The following FAT4 variants were observed in gnomAD, a reference collection of about 807,000 sequenced individuals.
The protein encoded by FAT4 is FAT atypical cadherin 4, also known as protocadherin Fat 4.
In FAT4, 84 loss-of-function variants were observed where a neutral mutation model predicts 303.9. The observed-to-expected ratio is 0.28, with a 90% CI of 0.23 to 0.33. The LOEUF (loss-of-function observed/expected upper bound fraction) is 0.33, where lower values mean the gene tolerates loss of function less well. FAT4 is among the 10% of genes least tolerant of loss of function. The pLI is 1.00. For missense variants in FAT4, 6,005 were observed against 6,146.8 expected (o/e 0.98, Z 0.77); for synonymous variants, 2,307 against 2,298.8 (o/e 1.00, Z -0.10).
In FAT4 at chr4:125,449,755, C is replaced by CCAAT; in HGVS notation, c.8748_8751dup (p.Glu2918IlefsTer7). On this transcript the variant is annotated frameshift_variant, in exon 10 of 18. Transcript: ENST00000394329. LOFTEE classifies it high-confidence loss of function. ...GACAAGTGTTTTATTTCATAAAATC[C>CCAAT]CAATCAGAATATTTCAGGATTAATG... 6.2e-7 allele frequency: 1 copy of CCAAT among 1,613,582 alleles called. No individual in the cohort carries two copies. The highest frequency in any genetic ancestry group is 8.5e-7 in the Non-Finnish European group (1 of 1,179,820).
In FAT4 at chr4:125,319,728, C is replaced by T. The variant is rs900308986; in HGVS notation, c.3317C>T (p.Thr1106Ile). The part of the protein sequence containing the change: ...NRPLFNSTNY[T>I]FYFEEEQRAG... ...CCTCTTTTTAACAGTACCAATTACA[C>T]ATTTTACTTCGAAGAAGAGCAGAGG... The change falls in exon 2 of 18, where the codon ACA becomes ATA. Residue 1106 changes from threonine to isoleucine, a missense_variant. Transcript: ENST00000394329. 1.2e-6 allele frequency: 2 copies of T among 1,614,146 alleles called. No homozygotes were observed. The highest frequency in any genetic ancestry group is 1.7e-6 in the Non-Finnish European group (2 of 1,179,982).
In FAT4 at chr4:125,491,304, A is replaced by G; in HGVS notation, c.14488A>G (p.Asn4830Asp). 2.5e-6 allele frequency: 4 copies of G among 1,614,186 alleles called. No homozygotes were observed. The highest frequency in any genetic ancestry group is 3.4e-6 in the Non-Finnish European group (4 of 1,180,030). ...CAGAAGGCCACTGTCTAGAACAAGGAATCCAGCGGATGGCATTCCAGCTCC... is the reference window on the plus strand; with the variant it reads ...CAGAAGGCCACTGTCTAGAACAAGGGATCCAGCGGATGGCATTCCAGCTCC... ...DCRRPLSRTR[N>D]PADGIPAPES... The change falls in exon 18 of 18, where the codon AAT becomes GAT. Residue 4830 changes from asparagine (N) to aspartate (D), a missense_variant. Asn to Asp is a conservative substitution (Grantham distance 23, BLOSUM62 1). Coordinates refer to ENST00000394329, the MANE Select transcript of FAT4 (RefSeq NM_001291303.3).
intron 2 of FAT4, among the ~76,000 whole-genome samples, chr4:125,345,485 T>C (rs1731964356): frequency 6.6e-6 from 1 of 151,954 alleles, no homozygotes; most frequent in Non-Finnish European, 1.5e-5. Context: ...ACAAAAATAC[T>C]TATTATTTTC....
chr4:125,375,995 C>T (rs10010768), intron 2 of FAT4, among the ~76,000 whole-genome samples: 4,899 of 152,250 alleles, frequency 0.032, 253 homozygotes, highest in African/African-American at 0.11. Flanking sequence ...AAGACTAGAA[C>T]CCATGTAGTG....
Position 125,490,438 on chromosome 4 carries a change from A to T in FAT4, c.13622A>T (p.Glu4541Val). The change falls in exon 18 of 18, where the codon GAG (glutamate) becomes GTG (valine). Residue 4541 changes from glutamate (E) to valine (V), a missense_variant. Coordinates refer to ENST00000394329, the MANE Select transcript of FAT4 (RefSeq NM_001291303.3). ...CRGKKAKNPKEEKKPKEKKKK... is the reference protein window; with the variant it reads ...CRGKKAKNPKVEKKPKEKKKK... ...GGGAAGAAGGCCAAAAATCCCAAAG[A>T]GGAGAAGAAACCGAAGGAGAAGAAG... The T allele has an allele frequency of 6.2e-7, 1 of 1,614,158 alleles. No individual in the cohort carries two copies. The highest frequency in any genetic ancestry group is 8.5e-7 in the Non-Finnish European group (1 of 1,180,030).
At chr4:125,362,439 T>C (rs1732711231) in intron 2 of FAT4, among the ~76,000 whole-genome samples, 1 of 152,120 alleles carries the variant, frequency 6.6e-6, no homozygotes, top group Non-Finnish European at 1.5e-5. Flanking sequence ...GTAGGTAATA[T>C]TTTGAGAAGT....
intron 10 of FAT4, among the ~76,000 whole-genome samples, chr4:125,461,724 G>A (rs1338710023): frequency 6.6e-6 from 1 of 151,882 alleles, no homozygotes; most frequent in Admixed American, 6.6e-5. Flanking sequence ...AATGGAAAGA[G>A]TAGAATATTA....
chr4:125,408,694 T>C lies in FAT4; in HGVS notation c.5820T>C (p.Asn1940=), dbSNP rs1206201756. The change falls in exon 5 of 18, where the codon AAT becomes AAC. Residue 1940 remains asparagine, a synonymous_variant. Transcript: ENST00000394329. ...TCAATATTCTAGATGTAAATGATAA[T>C]CCACCTATTTTCAGCTTGAATTCAT... ...VYFNILDVND[N]PPIFSLNSYS... The C allele has an allele frequency of 6.2e-7, 1 of 1,611,306 alleles. No homozygotes were observed. The highest frequency in any genetic ancestry group is 1.7e-5 in the Admixed American group (1 of 59,932).
chr4:125,393,616 TA>T (rs1055308335), intron 2 of FAT4, among the ~76,000 whole-genome samples: 4 of 152,188 alleles, frequency 2.6e-5, no homozygotes, highest in Non-Finnish European at 5.9e-5. Context: ...AAAAGCATTA[TA>T]TTATTTTATG....
chr4:125,391,270 A>C (rs1160423688), intron 2 of FAT4, among the ~76,000 whole-genome samples: 1 of 152,170 alleles, frequency 6.6e-6, no homozygotes, highest in Admixed American at 6.5e-5. Flanking sequence ...ATCCAACCCA[A>C]ATGCCCATCA....
In FAT4 at chr4:125,317,775, G is replaced by T. The variant is rs1162622852; in HGVS notation, c.1364G>T (p.Arg455Leu). ...CCCCCTGGCGCAGCAGTCCAGGCGC[G>T]CTCTTCTGTGGCAAGCCTGGTGATT... is the stretch of plus-strand genomic sequence containing the variant. ...GAPPGAAVQARSSVASLVIFV... is the reference protein window; with the variant it reads ...GAPPGAAVQALSSVASLVIFV... The change falls in exon 2 of 18, where the codon CGC (arginine) becomes CTC (leucine). Residue 455 changes from arginine (R) to leucine (L), a missense_variant. Transcript: ENST00000394329. The surrounding 1 kb of genome is among the most constrained non-coding windows in gnomAD (Gnocchi z 7.0). 5.6e-6 allele frequency: 9 copies of T among 1,614,150 alleles called. No individual in the cohort carries two copies. The highest frequency in any genetic ancestry group is 6.8e-6 in the Non-Finnish European group (8 of 1,180,034).
At chr4:125,480,032 TG>T (rs1727169250) in intron 15 of FAT4, among the ~76,000 whole-genome samples, 167 bp downstream of exon 15, 1 of 152,238 alleles carries the variant, frequency 6.6e-6, no homozygotes. Flanking sequence ...AAATTATTTT[TG>T]TAACCTGAAG....
At chr4:125,353,264 A>G (rs927996831) in intron 2 of FAT4, among the ~76,000 whole-genome samples, 5 of 151,812 alleles carry the variant, frequency 3.3e-5, no homozygotes, top group African/African-American at 1.2e-4. Context: ...TACTGATGAT[A>G]GTTTACAGAA....
Position 125,451,197 on chromosome 4 carries a change from C to T in FAT4, c.10187C>T (p.Thr3396Ile). The T allele has an allele frequency of 2.5e-6, 4 of 1,614,080 alleles. No individual in the cohort carries two copies. Among genetic ancestry groups the T allele is most frequent in the Non-Finnish European group, 2.5e-6 (3 of 1,180,016 alleles). The change falls in exon 10 of 18, where the codon ACC becomes ATC. Residue 3396 changes from threonine to isoleucine, a missense_variant. By Grantham distance (89) the Thr-to-Ile change is moderately conservative (BLOSUM62 -1). Transcript: ENST00000394329. ...ATAGATGAGGTCACTGTAAATGTCACCGTGCTTGATGCAAATGACCCACCC... is the reference window on the plus strand; with the variant it reads ...ATAGATGAGGTCACTGTAAATGTCATCGTGCTTGATGCAAATGACCCACCC... ...ADIDEVTVNV[T>I]VLDANDPPIF... is the part of the protein sequence containing the mutation.
intron 2 of FAT4, among the ~76,000 whole-genome samples, chr4:125,363,317 A>G (rs1265600107): frequency 1.3e-5 from 2 of 151,822 alleles, no homozygotes; most frequent in Non-Finnish European, 2.9e-5. Context: ...AGAAGTGAAT[A>G]TATGTAGCCA....
chr4:125,480,163 A>G (rs1029247138), intron 15 of FAT4, among the ~76,000 whole-genome samples: 1 of 152,090 alleles, frequency 6.6e-6, no homozygotes, highest in South Asian at 2.1e-4. Context: ...AATCTAAAAG[A>G]TCAAAGGTTA....
At chr4:125,444,591 C>T (rs1283796620) in intron 8 of FAT4, among the ~76,000 whole-genome samples, 1 of 152,128 alleles carries the variant, frequency 6.6e-6, no homozygotes, top group Non-Finnish European at 1.5e-5. Context: ...AAAGGCCACA[C>T]CATTTGCCTA....
intron 8 of FAT4, among the ~76,000 whole-genome samples, chr4:125,440,122 T>C (rs1725602143): frequency 6.6e-6 from 1 of 152,174 alleles, no homozygotes; most frequent in Non-Finnish European, 1.5e-5. Context: ...TTCTTTCTTT[T>C]ACAATATCTG....
chr4:125,481,789 A>G (rs1560634286), intron 16 of FAT4, 51 bp downstream of exon 16: 1 of 1,507,754 alleles, frequency 6.6e-7, no homozygotes, highest in Non-Finnish European at 9.2e-7. Flanking sequence ...CCTGCCGTGT[A>G]GTGGTTTAAA....
Sources: gnomAD v4.1 joint callset for allele counts (sites outside exome capture counted in the v4.1 genomes callset) on GRCh38, gnomAD v4.1.1 for gene constraint, Gnocchi (gnomAD v3.1) non-coding constraint, MANE v1.5 for transcripts, NCBI Gene and HGNC (gene_info 2026-07-23, HGNC 2026-07-21) for gene names.